SOX5: variants seen among roughly 807,000 people sequenced by gnomAD.
SOX5 encodes the protein SRY-box transcription factor 5, also known as transcription factor SOX-5.
In SOX5, 9 loss-of-function variants were observed where a neutral mutation model predicts 92.0. That is an observed-to-expected ratio of 0.10 (90% confidence interval 0.06 to 0.17). SOX5 has a LOEUF of 0.17. Ranked by LOEUF, SOX5 falls within the 10% of genes least tolerant of loss-of-function variation. The pLI is 1.00. For missense variants in SOX5, 642 were observed against 944.5 expected (o/e 0.68, Z 4.20); for synonymous variants, 344 against 336.3 (o/e 1.02, Z -0.25).
At chr12:23,821,938 T>C (rs2096127307) in intron 3 of SOX5, among the ~76,000 whole-genome samples, 1 of 43,936 alleles carries the variant, frequency 2.3e-5, no homozygotes, top group Non-Finnish European at 4.6e-5. Context: ...CCGATATATA[T>C]ATATAGTTTG....
intron 4 of SOX5, among the ~76,000 whole-genome samples, chr12:24,022,404 T>C (rs141197439): frequency 8.7e-4 from 133 of 152,136 alleles, no homozygotes; most frequent in African/African-American, 3.0e-3. Flanking sequence ...TCTAAAGAGG[T>C]AGGACCCTAG....
intron 6 of SOX5, among the ~76,000 whole-genome samples, chr12:23,677,073 C>T (rs2085827471): frequency 6.6e-6 from 1 of 152,162 alleles, no homozygotes; most frequent in Non-Finnish European, 1.5e-5. Context: ...TAGCTTATTA[C>T]AACATTCATA....
chr12:23,886,030 A>G (rs183248861), intron 2 of SOX5, among the ~76,000 whole-genome samples: 2 of 152,270 alleles, frequency 1.3e-5, no homozygotes, highest in African/African-American at 2.4e-5. Context: ...AATGCTTTTA[A>G]TTTACCTAAT....
At chr12:24,417,779 A>G (rs945837120) in intron 1 of SOX5, among the ~76,000 whole-genome samples, 4 of 152,148 alleles carry the variant, frequency 2.6e-5, no homozygotes, top group African/African-American at 9.7e-5. Context: ...CAAGAAAAAC[A>G]TGGTGGTGGT....
chr12:23,774,178 G>A (rs548465785), intron 3 of SOX5, among the ~76,000 whole-genome samples: 3 of 152,228 alleles, frequency 2.0e-5, no homozygotes, highest in East Asian at 1.9e-4. Context: ...TTTTACTGCC[G>A]TTATAAATAT....
Position 23,668,734 on chromosome 12 carries a change from C to T in SOX5, c.811-3170G>A, listed in dbSNP as rs902109417. Among the ~76,000 whole-genome samples the T allele has an allele frequency of 7.2e-5, 11 of 151,756 alleles. No individual in the cohort carries two copies. In the South Asian group the frequency reaches 1.2e-3, roughly 17 times the overall value. The stretch of plus-strand genomic sequence containing the variant: ...TTTAAAAGCTAGGGGGCATGTTATT[C>T]GCAGGTTAAATAATTCATAATACAC... On this transcript the variant is annotated intron_variant, in intron 6 of 14. Coordinates refer to ENST00000451604, the MANE Select transcript of SOX5 (RefSeq NM_006940.6).
At chr12:23,914,728 C>A (rs1199114137) in intron 1 of SOX5, among the ~76,000 whole-genome samples, 1 of 152,060 alleles carries the variant, frequency 6.6e-6, no homozygotes, top group African/African-American at 2.4e-5. Flanking sequence ...CACATTTATT[C>A]ATTTTTATCT....
upstream of SOX5, among the ~76,000 whole-genome samples, chr12:23,953,370 C>G (rs1945901385): frequency 6.6e-6 from 1 of 151,932 alleles, no homozygotes; most frequent in Non-Finnish European, 1.5e-5. Flanking sequence ...CTATTAAACC[C>G]AAATTCTTTT....
intron 1 of SOX5, among the ~76,000 whole-genome samples, chr12:24,458,997 G>A (rs1943327607): frequency 6.6e-6 from 1 of 152,064 alleles, no homozygotes; most frequent in Non-Finnish European, 1.5e-5. Flanking sequence ...TACCCAAAAA[G>A]ACACTGCTGG....
chr12:23,627,761 C>A (rs191881316), intron 8 of SOX5, among the ~76,000 whole-genome samples: 169 of 151,958 alleles, frequency 1.1e-3, no homozygotes, highest in African/African-American at 4.0e-3. Context: ...ATCAAACCTA[C>A]CATTTAAATA....
chr12:24,093,634 G>A (rs1325447208), intron 4 of SOX5, among the ~76,000 whole-genome samples: 1 of 149,754 alleles, frequency 6.7e-6, no homozygotes, highest in African/African-American at 2.5e-5. Context: ...ATTAATACTT[G>A]TCATCCTAGT....
intron 9 of SOX5, among the ~76,000 whole-genome samples, chr12:23,587,150 T>C (rs1274218779): frequency 6.6e-6 from 1 of 151,918 alleles, no homozygotes; most frequent in Non-Finnish European, 1.5e-5. Flanking sequence ...CTTCTAACTT[T>C]TAAAAATAAC....
intron 8 of SOX5, among the ~76,000 whole-genome samples, chr12:23,610,280 A>G (rs972741474): frequency 6.6e-6 from 1 of 151,706 alleles, no homozygotes; most frequent in Non-Finnish European, 1.5e-5. Flanking sequence ...CCACTTTTCA[A>G]TAATAGGTTA....
At chr12:23,536,396 C>T (rs888488356) in intron 14 of SOX5, 57 bp downstream of exon 14, 1 of 1,296,766 alleles carries the variant, frequency 7.7e-7, no homozygotes, top group African/African-American at 1.5e-5. Flanking sequence ...TGTTTCACAT[C>T]CCATTAAGTA....
At chr12:24,399,243 G>A (rs1016400133) in intron 1 of SOX5, among the ~76,000 whole-genome samples, 5 of 151,962 alleles carry the variant, frequency 3.3e-5, no homozygotes, top group Non-Finnish European at 5.9e-5. Flanking sequence ...TGCCTACAGC[G>A]TCTCCCCATA....
chr12:24,117,124 A>G (rs1459678513), intron 4 of SOX5, among the ~76,000 whole-genome samples: 1 of 152,202 alleles, frequency 6.6e-6, no homozygotes, highest in African/African-American at 2.4e-5. Context: ...ACAAGAAAAC[A>G]AATACCCCAA....
At chr12:23,561,081 G>T (rs1457814130) in intron 11 of SOX5, among the ~76,000 whole-genome samples, 2 of 152,174 alleles carry the variant, frequency 1.3e-5, no homozygotes, top group African/African-American at 2.4e-5. Context: ...AGTACATGAT[G>T]AAGAGATTCA....
chr12:24,240,979 G>A (rs1965455852), intron 3 of SOX5, among the ~76,000 whole-genome samples: 1 of 152,152 alleles, frequency 6.6e-6, no homozygotes, highest in Non-Finnish European at 1.5e-5. Context: ...GATGACAAGA[G>A]TTTCATTTAA....
chr12:23,584,125 A>G (rs991010263), intron 9 of SOX5, among the ~76,000 whole-genome samples: 1 of 152,166 alleles, frequency 6.6e-6, no homozygotes, highest in African/African-American at 2.4e-5. Context: ...TATCAAAAGG[A>G]AAGCACAACA....
Sources: allele counts gnomAD v4.1 joint callset (sites outside exome capture counted in the v4.1 genomes callset), GRCh38; gene constraint gnomAD v4.1.1; transcripts MANE v1.5; gene names NCBI Gene and HGNC (gene_info 2026-07-23, HGNC 2026-07-21).